The following EHD4 variants were observed in gnomAD, a reference collection of about 807,000 sequenced individuals.
EHD4 encodes the protein EH domain containing 4, also known as EH domain-containing protein 4.
In EHD4, 37 loss-of-function variants were observed where a neutral mutation model predicts 51.0. The ratio of observed to expected loss-of-function variants is 0.73; its 90% CI spans 0.56 to 0.95. EHD4 has a LOEUF of 0.95. Ranked by LOEUF, EHD4 falls within the 40% of genes least tolerant of loss-of-function variation. The pLI, the probability that EHD4 is intolerant of heterozygous loss-of-function variation, is 0.00. For missense variants in EHD4, 632 were observed against 733.1 expected (o/e 0.86, Z 1.59); for synonymous variants, 297 against 317.3 (o/e 0.94, Z 0.68).
intron 1 of EHD4, among the ~76,000 whole-genome samples, chr15:41,965,930 C>T (rs1025565444): frequency 3.0e-5 from 4 of 132,946 alleles, no homozygotes; most frequent in South Asian, 5.9e-4. Context: ...CCTGCCCACC[C>T]CCCGCCCCAC....
In EHD4 at chr15:41,972,458, C is replaced by T. The variant is rs768556393; in HGVS notation, c.37G>A (p.Glu13Lys). ...SWMGRQAGGR[E>K]RAGGADAVQT... ...ACCGCGTCCGCGCCGCCAGCGCGTT[C>T]GCGCCCGCCCGCCTGCCGCCCCATC... Residue 13 changes from glutamate to lysine, a missense_variant, in exon 1 of 6, where the codon GAA becomes AAA. Glu to Lys is a moderately conservative substitution (Grantham distance 56). Coordinates refer to ENST00000220325, the MANE Select transcript of EHD4 (RefSeq NM_139265.4). The T allele has an allele frequency of 1.9e-6, 3 of 1,548,820 alleles. No individual in the cohort carries two copies. Among genetic ancestry groups the T allele is most frequent in the Admixed American group, 1.9e-5 (1 of 51,320 alleles).
chr15:41,903,072 G>A (rs76381759), intron 5 of EHD4, among the ~76,000 whole-genome samples: 7,425 of 151,846 alleles, frequency 0.049, 270 homozygotes, highest in Non-Finnish European at 0.063. Flanking sequence ...CTGATGAAAA[G>A]TGTCTTCAAC....
intron 3 of EHD4, among the ~76,000 whole-genome samples, chr15:41,933,533 G>C (rs1372079959): frequency 6.6e-6 from 1 of 152,164 alleles, no homozygotes; most frequent in Non-Finnish European, 1.5e-5. Flanking sequence ...GCCAGGGACA[G>C]GGAGAAACGT....
chr15:41,934,463 C>T (rs899613509), intron 3 of EHD4, among the ~76,000 whole-genome samples: 2 of 152,020 alleles, frequency 1.3e-5, no homozygotes, highest in Non-Finnish European at 2.9e-5. Flanking sequence ...TACGAGAACA[C>T]ACCACCACAC....
At chr15:41,908,614 A>T (rs748157352) in intron 5 of EHD4, 13 of 152,208 alleles carry the variant, frequency 8.5e-5, no homozygotes, top group Non-Finnish European at 1.5e-4. Flanking sequence ...GTGATCTGAC[A>T]TACAAATCCA....
At chr15:41,942,817 T>TTTACCCCACTC (rs1566824072) in intron 3 of EHD4, 32 of 343,428 alleles carry the variant, frequency 9.3e-5, no homozygotes, top group African/African-American at 6.2e-4. Context: ...TACCTCCCAT[T>TTTACCCCACTC]GTTTACCCCA....
Position 41,943,097 on chromosome 15 carries a change from G to A in EHD4, c.481C>T (p.Leu161Phe). 6.3e-7 allele frequency: 1 copy of A among 1,587,668 alleles called. No individual in the cohort carries two copies. The highest frequency in any genetic ancestry group is 8.6e-7 in the Non-Finnish European group (1 of 1,166,862). The change falls in exon 3 of 6, where the codon CTT (leucine) becomes TTT (phenylalanine). Residue 161 changes from leucine (L) to phenylalanine (F), a missense_variant. By Grantham distance (22) the Leu-to-Phe change is conservative (BLOSUM62 0). Coordinates refer to ENST00000220325, the MANE Select transcript of EHD4 (RefSeq NM_139265.4). ...CTGATGCGCTGCTTCTCCCCAGAAA[G>A]GATGCCGGGGCTGTCGATGACGCTG... ...SISVIDSPGI[L>F]SGEKQRISRG...
At chr15:41,963,886 C>T (rs1218933401) in intron 1 of EHD4, among the ~76,000 whole-genome samples, 1 of 151,888 alleles carries the variant, frequency 6.6e-6, no homozygotes, top group African/African-American at 2.4e-5. Flanking sequence ...TGGCTCATGC[C>T]TATAATCCCA....
At chr15:41,914,457 C>G (rs964808310) in intron 4 of EHD4, among the ~76,000 whole-genome samples, 3 of 147,106 alleles carry the variant, frequency 2.0e-5, no homozygotes, top group Non-Finnish European at 4.5e-5. Flanking sequence ...CAGAGAAGGG[C>G]AGCTGACTTG....
chr15:41,917,579 T>C lies in EHD4; in HGVS notation c.924+1631A>G, dbSNP rs566816419. Among the ~76,000 whole-genome samples the C allele has an allele frequency of 2.6e-5, 4 of 152,326 alleles. No individual in the cohort carries two copies. In the East Asian group the frequency reaches 5.8e-4, roughly 22 times the overall value. On this transcript the variant is annotated intron_variant, in intron 4 of 5. Transcript: ENST00000220325. ...TGACATGAGTCACCAACTTTGGTTATAAACTAATGTGGGGTGTCACACACC... is the reference window on the plus strand; with the variant it reads ...TGACATGAGTCACCAACTTTGGTTACAAACTAATGTGGGGTGTCACACACC...
rs188270583 is a variant in EHD4, at chr15:41,919,678, T to C, written c.512-56A>G. 1.1e-5 allele frequency: 16 copies of C among 1,461,568 alleles called. No individual in the cohort carries two copies. The African/African-American group carries it at 2.3e-4, about 21-fold the overall frequency. The allele number at this position is 1,461,568 out of a possible 1,614,324, so 90.5% of individuals were successfully genotyped here. A position where few individuals can be genotyped will look rare whatever the true frequency, so the allele number is the denominator to read the frequency against. On this transcript the variant is annotated intron_variant, in intron 3 of 5. Coordinates refer to ENST00000220325, the MANE Select transcript of EHD4 (RefSeq NM_139265.4). ...CCACTGCTGCAGGAGACACGTTTAA[T>C]GGGCGGCTCAGGAACAGTCTCGCTC...
At chr15:41,913,939 A>G (rs749870129) in intron 4 of EHD4, among the ~76,000 whole-genome samples, 6 of 152,252 alleles carry the variant, frequency 3.9e-5, no homozygotes, top group African/African-American at 2.4e-5. Context: ...CTCTAGGCTA[A>G]TAACTCAATG....
intron 3 of EHD4, chr15:41,928,927 A>G (rs1156778045): frequency 6.6e-6 from 1 of 152,264 alleles, no homozygotes; most frequent in Non-Finnish European, 1.5e-5. Context: ...GGAGGGGCTG[A>G]TACCAAACCC....
intron 3 of EHD4, among the ~76,000 whole-genome samples, chr15:41,925,783 G>C (rs1369217440): frequency 6.6e-6 from 1 of 152,128 alleles, no homozygotes; most frequent in Admixed American, 6.5e-5. Context: ...TCCATGTTCT[G>C]GGAACAAAAG....
chr15:41,908,015 G>C (rs1233522724), intron 5 of EHD4, among the ~76,000 whole-genome samples: 2 of 152,000 alleles, frequency 1.3e-5, no homozygotes, highest in East Asian at 3.9e-4. Flanking sequence ...TGTGATTATA[G>C]CCACCACACC....
chr15:41,960,996 C>T (rs1433886428), intron 1 of EHD4, among the ~76,000 whole-genome samples: 1 of 152,112 alleles, frequency 6.6e-6, no homozygotes, highest in Non-Finnish European at 1.5e-5. Context: ...AATGTGAAAA[C>T]TAAGTTTTAT....
intron 5 of EHD4, among the ~76,000 whole-genome samples, chr15:41,907,543 G>A (rs113501973): frequency 1.3e-4 from 20 of 152,138 alleles, no homozygotes; most frequent in African/African-American, 4.6e-4. Flanking sequence ...TTTTTGAGAC[G>A]GGGTCTTACA....
chr15:41,930,868 G>A (rs190920440), intron 3 of EHD4, among the ~76,000 whole-genome samples: 1 of 152,348 alleles, frequency 6.6e-6, no homozygotes, highest in East Asian at 1.9e-4. Flanking sequence ...AGTAGCCCAT[G>A]TAGTTACCAA....
intron 4 of EHD4, among the ~76,000 whole-genome samples, chr15:41,915,881 A>C (rs1224098413): frequency 6.6e-6 from 1 of 152,186 alleles, no homozygotes; most frequent in African/African-American, 2.4e-5. Flanking sequence ...CCTGTTCCTT[A>C]AATACAGAGA....
Sources: allele counts gnomAD v4.1 joint callset (sites outside exome capture counted in the v4.1 genomes callset), GRCh38; gene constraint gnomAD v4.1.1; transcripts MANE v1.5; gene names NCBI Gene and HGNC (gene_info 2026-07-23, HGNC 2026-07-21).